Variants in TRIP12 observed in about 807,000 individuals in gnomAD.
The protein encoded by TRIP12 is thyroid hormone receptor interactor 12.
TRIP12 carries 25 observed loss-of-function variants against 244.2 expected under a neutral mutation model. The observed-to-expected ratio is 0.10, with a 90% CI of 0.07 to 0.14. TRIP12 has a LOEUF of 0.14. Ranked by LOEUF, TRIP12 falls within the 10% of genes least tolerant of loss-of-function variation. TRIP12 has a pLI of 1.00. For missense variants in TRIP12, 1,677 were observed against 2,486.4 expected (o/e 0.67, Z 6.92); for synonymous variants, 905 against 873.1 (o/e 1.04, Z -0.64).
intron 4 of TRIP12, among the ~76,000 whole-genome samples, chr2:229,850,725 C>T (rs1172024389): frequency 6.6e-6 from 1 of 152,158 alleles, no homozygotes; most frequent in Non-Finnish European, 1.5e-5. Flanking sequence ...GAGGGAGAGG[C>T]GCGAGTGGGA....
intron 37 of TRIP12, 34 bp from the exon 38 acceptor site, chr2:229,774,295 A>G: frequency 6.3e-7 from 1 of 1,580,014 alleles, no homozygotes; most frequent in East Asian, 2.2e-5. Context: ...AATGGTGTCA[A>G]GCAAAATTAA....
intron 4 of TRIP12, among the ~76,000 whole-genome samples, chr2:229,853,681 T>A (rs959385777): frequency 1.2e-4 from 10 of 81,526 alleles, no homozygotes; most frequent in Admixed American, 5.5e-4. Context: ...ATAAATAAAA[T>A]ACATACATAC....
At chr2:229,849,243 A>C (rs1303700396) in intron 4 of TRIP12, among the ~76,000 whole-genome samples, 1 of 152,218 alleles carries the variant, frequency 6.6e-6, no homozygotes, top group Non-Finnish European at 1.5e-5. Flanking sequence ...AAAAGCAAAA[A>C]TGTGTGAGAA....
chr2:229,796,773 C>T lies in TRIP12; in HGVS notation c.3634G>A (p.Gly1212Arg). ...CGGATTTCTACAAGGCACTCAGCTC[C>T]ACCATCCACCTGAAAGAGTTAGGAA... is the stretch of plus-strand genomic sequence containing the variant. ...TEQLNLQVDGGAECLVEIRSI... is the reference protein window; with the variant it reads ...TEQLNLQVDGRAECLVEIRSI... Residue 1212 changes from glycine to arginine, a missense_variant, in exon 25 of 42, where the codon GGA (glycine) becomes AGA (arginine). Gly to Arg is a moderately radical substitution (Grantham distance 125). Transcript: ENST00000675903. The T allele has an allele frequency of 6.3e-7, 1 of 1,576,508 alleles. No homozygotes were observed. The highest frequency in any genetic ancestry group is 8.6e-7 in the Non-Finnish European group (1 of 1,166,358).
At chr2:229,785,460 A>T (rs555257296) in intron 34 of TRIP12, among the ~76,000 whole-genome samples, 1 of 152,336 alleles carries the variant, frequency 6.6e-6, no homozygotes, top group South Asian at 2.1e-4. Context: ...AGTAAACCTG[A>T]TTTTTTAAAA....
upstream of TRIP12, chr2:229,922,711 C>T (rs1324841854): frequency 3.3e-6 from 4 of 1,219,972 alleles, no homozygotes; most frequent in Non-Finnish European, 4.6e-6. Flanking sequence ...CGTAGCCCGC[C>T]GGAAGCGCCC....
chr2:229,887,513 C>T (rs2066298179), intron 1 of TRIP12, among the ~76,000 whole-genome samples: 1 of 152,046 alleles, frequency 6.6e-6, no homozygotes, highest in Admixed American at 6.6e-5. Context: ...TAGAAAGCTA[C>T]CAAACAGATC....
In TRIP12 at chr2:229,805,750, G is replaced by A. The variant is rs758467687; in HGVS notation, c.2630C>T (p.Pro877Leu). The A allele has an allele frequency of 8.8e-6, 14 of 1,598,658 alleles. No homozygotes were observed. Among genetic ancestry groups the A allele is most frequent in the African/African-American group, 1.3e-5 (1 of 74,730 alleles). ...TARAIQRKPN[P>L]LANSNTSGYS... is the part of the protein sequence containing the mutation. ...CTTACTAGTGTTACTATTGGCTAAC[G>A]GGTTAGGTTTTCTCTGAATGGCACG... The change falls in exon 18 of 42, where the codon CCG (proline) becomes CTG (leucine). Residue 877 changes from proline (P) to leucine (L), a missense_variant. Pro to Leu is a moderately conservative substitution (Grantham distance 98). Transcript: ENST00000675903.
At chr2:229,794,295 A>C (rs2154261991) in intron 26 of TRIP12, among the ~76,000 whole-genome samples, 1 of 152,310 alleles carries the variant, frequency 6.6e-6, no homozygotes, top group African/African-American at 2.4e-5. Flanking sequence ...AACTAGGCTG[A>C]GTGTGGTGGC....
At position 229,797,710 on chromosome 2, in the gene TRIP12, T is replaced by C. The variant is rs1226754394; in HGVS notation, c.3604A>G (p.Thr1202Ala). The change falls in exon 24 of 42, where the codon ACC (threonine) becomes GCC (alanine). Residue 1202 changes from threonine to alanine, a missense_variant. Transcript: ENST00000675903. The stretch of plus-strand genomic sequence containing the variant: ...AGCACCTGGAGGTTGAGTTGTTCGG[T>C]TGCAGCACAAAGTCTCTGAAGGACA... ...LNVLQRLCAA[T>A]EQLNLQVDGG... 8.1e-6 allele frequency: 13 copies of C among 1,613,438 alleles called. No individual in the cohort carries two copies. The highest frequency in any genetic ancestry group is 4.5e-5 in the East Asian group (2 of 44,864).
chr2:229,767,980 T>C (rs548498514), intron 41 of TRIP12, among the ~76,000 whole-genome samples: 12 of 152,140 alleles, frequency 7.9e-5, no homozygotes, highest in Non-Finnish European at 1.5e-4. Context: ...ATTTTTAAAA[T>C]GGAATACCCA....
rs555043360 is a variant in TRIP12 at position 229,801,799 on chromosome 2, G to T, written c.3206+453C>A. On this transcript the variant is annotated intron_variant, in intron 21 of 41. Transcript: ENST00000675903. ...CCCAGTTGCCAATTAAAGATAAATG[G>T]GGAATCAGTATTTTTTGGCCTTTAT... is the stretch of plus-strand genomic sequence containing the variant. 2.0e-5 allele frequency among the ~76,000 whole-genome samples: 3 copies of T among 152,114 alleles called. No individual in the cohort carries two copies. The East Asian group carries it at 5.8e-4, about 29-fold the overall frequency.
chr2:229,875,757 A>G (rs1031216517), intron 2 of TRIP12, among the ~76,000 whole-genome samples: 2 of 152,232 alleles, frequency 1.3e-5, no homozygotes, highest in Non-Finnish European at 2.9e-5. Flanking sequence ...TCACTGTATC[A>G]CTGTGAATAC....
chr2:229,906,738 G>C (rs59976011), intron 1 of TRIP12, among the ~76,000 whole-genome samples: 1 of 143,046 alleles, frequency 7.0e-6, no homozygotes, highest in South Asian at 2.2e-4. Flanking sequence ...AAAAAAAAAA[G>C]AAAAAAAAAT....
At chr2:229,878,508 C>T (rs1038194541) in intron 2 of TRIP12, among the ~76,000 whole-genome samples, 2 of 151,804 alleles carry the variant, frequency 1.3e-5, no homozygotes, top group Non-Finnish European at 2.9e-5. Context: ...AGTCCAAAGT[C>T]CCTATGCTTA....
Position 229,821,097 on chromosome 2 carries a change from TAATTA to T in TRIP12, c.1451-2590_1451-2586del, listed in dbSNP as rs542931312. Among the ~76,000 whole-genome samples the T allele has an allele frequency of 5.3e-5, 8 of 152,356 alleles. 1 individual carries two copies. The South Asian group carries it at 1.7e-3, about 32-fold the overall frequency. ...AAGACATGTCTTGGGAGTAAAGACC[TAATTA>T]AATTAACTTTGGTTCAGTAAGGGCA... On this transcript the variant is annotated intron_variant, in intron 8 of 41. Coordinates refer to ENST00000675903, the MANE Select transcript of TRIP12 (RefSeq NM_001348323.3).
At chr2:229,807,588 G>C in intron 17 of TRIP12, 120 bp downstream of exon 17, 1 of 1,279,436 alleles carries the variant, frequency 7.8e-7, no homozygotes, top group Non-Finnish European at 1.1e-6. Flanking sequence ...CAAAATGAGA[G>C]AATCTTGAGT....
intron 15 of TRIP12, among the ~76,000 whole-genome samples, chr2:229,809,728 G>A (rs1203119649): frequency 6.6e-6 from 1 of 152,012 alleles, no homozygotes; most frequent in Non-Finnish European, 1.5e-5. Context: ...AGGGTTGTCT[G>A]GAATACCAAG....
chr2:229,833,745 TTA>T (rs1476550216), intron 6 of TRIP12, among the ~76,000 whole-genome samples: 1 of 151,214 alleles, frequency 6.6e-6, no homozygotes, highest in African/African-American at 2.4e-5. Context: ...TAGATATGAG[TTA>T]TGAGTTATCT....
Sources: allele counts gnomAD v4.1 joint callset (sites outside exome capture counted in the v4.1 genomes callset), GRCh38; gene constraint gnomAD v4.1.1; transcripts MANE v1.5; gene names NCBI Gene and HGNC (gene_info 2026-07-23, HGNC 2026-07-21).